The following PARD3B variants were observed in gnomAD, a reference collection of about 807,000 sequenced individuals.
PARD3B encodes the protein partitioning defective 3 homolog B.
A neutral mutation model predicts 130.2 loss-of-function variants in PARD3B; 103 were observed. That is an observed-to-expected ratio of 0.79 (90% CI 0.67 to 0.93). The LOEUF (loss-of-function observed/expected upper bound fraction) is 0.93. Among genes scored for constraint, PARD3B ranks in the 40% least tolerant of loss-of-function variants. The pLI, the probability that PARD3B is intolerant of heterozygous loss-of-function variation, is 0.00. For missense variants in PARD3B, 1,609 were observed against 1,499.2 expected, an observed-to-expected ratio of 1.07 and a Z score of -1.21; for synonymous variants, 583 against 553.2, an observed-to-expected ratio of 1.05 and a Z score of -0.76.
At position 205,322,889 on chromosome 2, in the gene PARD3B, C is replaced by CTTT. The variant is rs71032461; in HGVS notation, c.2630+21228_2630+21230dup. ...TGTTGTTATATCATTATTAACACCT[C>CTTT]TTTTTTTTTTTTTTTTTTTTTTTTT... On this transcript the variant is annotated intron_variant, in intron 18 of 22. Transcript: ENST00000406610. Among the ~76,000 whole-genome samples the CTTT allele has an allele frequency of 2.4e-3, 122 of 51,462 alleles. 22 individuals carry two copies. The highest frequency in any genetic ancestry group is 0.013 in the Middle Eastern group (1 of 80). The allele number at this position is 51,462 out of a possible 152,430, so 33.8% of individuals were successfully genotyped here. A position where few individuals can be genotyped will look rare whatever the true frequency, so the allele number is the denominator to read the frequency against.
chr2:204,987,167 GA>G (rs940095481), intron 3 of PARD3B, among the ~76,000 whole-genome samples: 1 of 152,020 alleles, frequency 6.6e-6, no homozygotes, highest in African/African-American at 2.4e-5. Context: ...ATGTGACTAT[GA>G]AGTACCCAGT....
At chr2:205,239,402 A>C (rs1305784416) in intron 15 of PARD3B, among the ~76,000 whole-genome samples, 1 of 152,064 alleles carries the variant, frequency 6.6e-6, no homozygotes, top group Non-Finnish European at 1.5e-5. Flanking sequence ...GAAACTATTT[A>C]ACATATTTTA....
intron 1 of PARD3B, among the ~76,000 whole-genome samples, chr2:204,643,749 A>G (rs762498246): frequency 1.3e-5 from 2 of 152,144 alleles, no homozygotes; most frequent in Non-Finnish European, 2.9e-5. Flanking sequence ...CCTCTTATAA[A>G]GGATACTAGC....
chr2:204,830,109 T>C (rs1469446876), intron 2 of PARD3B, among the ~76,000 whole-genome samples: 2 of 152,118 alleles, frequency 1.3e-5, no homozygotes, highest in East Asian at 1.9e-4. Flanking sequence ...TCTACCATGA[T>C]TGTAAGTTTC....
chr2:205,059,523 C>T (rs893030318), intron 4 of PARD3B, among the ~76,000 whole-genome samples: 5 of 152,040 alleles, frequency 3.3e-5, no homozygotes, highest in Non-Finnish European at 7.4e-5. Flanking sequence ...TCCTTATCCA[C>T]ACCCTTTCTG....
chr2:204,722,114 A>G (rs993494299), intron 2 of PARD3B, among the ~76,000 whole-genome samples: 2 of 152,210 alleles, frequency 1.3e-5, no homozygotes, highest in Non-Finnish European at 2.9e-5. Context: ...AATCAGTAGG[A>G]TACCACAAAT....
At chr2:205,502,354 T>C (rs1370870932) in intron 21 of PARD3B, among the ~76,000 whole-genome samples, 1 of 152,104 alleles carries the variant, frequency 6.6e-6, no homozygotes, top group Non-Finnish European at 1.5e-5. Flanking sequence ...GGGCACTAGC[T>C]AAAATCAGAT....
intron 2 of PARD3B, among the ~76,000 whole-genome samples, chr2:204,903,433 T>C (rs2046938661): frequency 6.6e-6 from 1 of 152,218 alleles, no homozygotes; most frequent in African/African-American, 2.4e-5. Flanking sequence ...TAATGTGTTT[T>C]GTTTTATATT....
At chr2:204,873,249 G>A (rs1160681096) in intron 2 of PARD3B, among the ~76,000 whole-genome samples, 1 of 152,098 alleles carries the variant, frequency 6.6e-6, no homozygotes. Flanking sequence ...ATTTGACTAG[G>A]CTTCATTCTC....
intron 18 of PARD3B, among the ~76,000 whole-genome samples, chr2:205,324,219 T>A (rs2042859162): frequency 6.6e-6 from 1 of 152,192 alleles, no homozygotes. Context: ...TAAGAATCTG[T>A]AAAATAAATT....
intron 2 of PARD3B, among the ~76,000 whole-genome samples, chr2:204,940,950 A>G (rs1039568439): frequency 6.6e-6 from 1 of 152,172 alleles, no homozygotes; most frequent in African/African-American, 2.4e-5. Context: ...GAGTTATAAA[A>G]GATGTACTAC....
At chr2:205,166,737 G>A (rs1020491314) in intron 11 of PARD3B, among the ~76,000 whole-genome samples, 2 of 152,282 alleles carry the variant, frequency 1.3e-5, no homozygotes, top group African/African-American at 2.4e-5. Context: ...AGAAGGATTC[G>A]TTGAAGATAA....
At chr2:205,198,733 T>G (rs532801389) in intron 15 of PARD3B, among the ~76,000 whole-genome samples, 2 of 152,232 alleles carry the variant, frequency 1.3e-5, no homozygotes, top group South Asian at 4.1e-4. Flanking sequence ...CTTTTTAAGA[T>G]TATATTCATA....
chr2:204,643,115 C>CAAAAAAAAAAAAAAAAAAAAAAAAAAAA (rs71029202), intron 1 of PARD3B, among the ~76,000 whole-genome samples: 1 of 31,826 alleles, frequency 3.1e-5, no homozygotes. Flanking sequence ...CTCTGTCTCA[C>CAAAAAAAAAAAAAAAAAAAAAAAAAAAA]AAAAAAAAAA....
chr2:205,581,724 AAT>A (rs1319977955), intron 22 of PARD3B, among the ~76,000 whole-genome samples: 2 of 152,058 alleles, frequency 1.3e-5, no homozygotes, highest in African/African-American at 4.8e-5. Context: ...GTACCCTATA[AAT>A]AGATACATCT....
rs35428888 is a variant in PARD3B at position 205,305,942 on chromosome 2, G to A, written c.2630+4241G>A. Among the ~76,000 whole-genome samples the A allele has an allele frequency of 6.6e-3, 1,003 of 152,292 alleles. 2 individuals carry two copies. Among genetic ancestry groups the A allele is most frequent in the Middle Eastern group, 0.02 (6 of 294 alleles). On this transcript the variant is annotated intron_variant, in intron 18 of 22. Transcript: ENST00000406610. The stretch of plus-strand genomic sequence containing the variant: ...TGTAAATATTTTGTTACATGACAAA[G>A]GAAAATTAAGGTTGCGGGTGGAATT...
At chr2:204,955,937 A>G (rs368348507) in intron 2 of PARD3B, among the ~76,000 whole-genome samples, 40 of 152,282 alleles carry the variant, frequency 2.6e-4, no homozygotes, top group African/African-American at 8.7e-4. Flanking sequence ...GCAGACTTAA[A>G]CTTTATTTCA....
Position 205,550,923 on chromosome 2 carries a change from ATGTG to A in PARD3B, c.3181-2385_3181-2382del, listed in dbSNP as rs372406832. ...AATCATGTTATAAATACATATAATT[ATGTG>A]TGTGTGTGTGTGTGTATATATATAT... On this transcript the variant is annotated intron_variant, in intron 21 of 22. Transcript: ENST00000406610. This position sits in a 1 kb window ranked among gnomAD's most constrained non-coding sequence, Gnocchi z 4.5. 0.031 allele frequency among the ~76,000 whole-genome samples: 4,196 copies of A among 134,958 alleles called. 86 individuals carry two copies. The highest frequency in any genetic ancestry group is 0.045 in the Non-Finnish European group (2,899 of 64,414). The allele number at this position is 134,958 out of a possible 152,430, so 88.5% of individuals were successfully genotyped here.
At chr2:204,832,092 G>A (rs1312191845) in intron 2 of PARD3B, among the ~76,000 whole-genome samples, 3 of 152,136 alleles carry the variant, frequency 2.0e-5, no homozygotes, top group African/African-American at 7.2e-5. Context: ...CAGGCATGGT[G>A]GTGGGCGCCT....
Sources: allele counts gnomAD v4.1 joint callset (sites outside exome capture counted in the v4.1 genomes callset), GRCh38; gene constraint gnomAD v4.1.1; non-coding constraint Gnocchi (gnomAD v3.1); transcripts MANE v1.5; gene names NCBI Gene and HGNC (gene_info 2026-07-23, HGNC 2026-07-21).